The following SPIDR variants were observed in gnomAD, a reference collection of about 807,000 sequenced individuals.
The protein encoded by SPIDR is scaffold protein involved in DNA repair, also known as DNA repair-scaffolding protein.
A neutral mutation model predicts 104.6 loss-of-function variants in SPIDR; 93 were observed. The ratio of observed to expected loss-of-function variants is 0.89; its 90% CI spans 0.75 to 1.06. The LOEUF (loss-of-function observed/expected upper bound fraction) is 1.06. Ranked by LOEUF, SPIDR falls within the 50% of genes least tolerant of loss-of-function variation. The pLI, the probability that SPIDR is intolerant of heterozygous loss-of-function variation, is 0.00. For missense variants in SPIDR, 1,154 were observed against 1,111.2 expected (o/e 1.04, Z -0.55); for synonymous variants, 431 against 416.9 (o/e 1.03, Z -0.41).
At chr8:47,321,199 C>T (rs963006951) in intron 5 of SPIDR, among the ~76,000 whole-genome samples, 59 of 152,248 alleles carry the variant, frequency 3.9e-4, no homozygotes, top group African/African-American at 1.2e-3. Flanking sequence ...AAAACCCCAT[C>T]GTCTCAGCCC....
At chr8:47,456,706 A>G (rs1475842531) in intron 8 of SPIDR, among the ~76,000 whole-genome samples, 1 of 152,100 alleles carries the variant, frequency 6.6e-6, no homozygotes, top group Non-Finnish European at 1.5e-5. Flanking sequence ...TGGTGCACCC[A>G]TCACCCAAGC....
intron 6 of SPIDR, among the ~76,000 whole-genome samples, chr8:47,402,186 C>T (rs1340440607): frequency 6.6e-6 from 1 of 152,146 alleles, no homozygotes; most frequent in Non-Finnish European, 1.5e-5. Context: ...ACGAGAATCT[C>T]TGGGACACAT....
chr8:47,398,885 G>A (rs2061535198), intron 6 of SPIDR, among the ~76,000 whole-genome samples: 1 of 152,136 alleles, frequency 6.6e-6, no homozygotes, highest in South Asian at 2.1e-4. Flanking sequence ...AGGCAAGTGA[G>A]GAGAGAGGGT....
At chr8:47,707,206 T>G (rs2081221723) in intron 14 of SPIDR, among the ~76,000 whole-genome samples, 1 of 148,330 alleles carries the variant, frequency 6.7e-6, no homozygotes, top group African/African-American at 2.5e-5. Flanking sequence ...TGAGCCAAGA[T>G]CGCTCCATTG....
At chr8:47,665,652 C>A (rs1009338546) in intron 10 of SPIDR, among the ~76,000 whole-genome samples, 1 of 152,200 alleles carries the variant, frequency 6.6e-6, no homozygotes, top group African/African-American at 2.4e-5. Flanking sequence ...ATAGGCGATA[C>A]ATTCTTCTGC....
chr8:47,602,994 T>A (rs1035481991), intron 10 of SPIDR, among the ~76,000 whole-genome samples: 2 of 152,114 alleles, frequency 1.3e-5, no homozygotes, highest in Non-Finnish European at 2.9e-5. Flanking sequence ...AAACTTAAGT[T>A]TTATAAATCA....
chr8:47,294,195 C>T, intron 5 of SPIDR, 165 bp downstream of exon 5: 1 of 834,494 alleles, frequency 1.2e-6, no homozygotes, highest in African/African-American at 1.7e-5. Flanking sequence ...AAATAACATG[C>T]TTGTGCTGTA....
At chr8:47,418,895 G>T (rs1422516468) in intron 7 of SPIDR, among the ~76,000 whole-genome samples, 1 of 152,114 alleles carries the variant, frequency 6.6e-6, no homozygotes, top group Non-Finnish European at 1.5e-5. Flanking sequence ...TTTGTCATTG[G>T]TTTTGTTTAT....
At chr8:47,331,213 A>G (rs1367763102) in intron 5 of SPIDR, among the ~76,000 whole-genome samples, 4 of 152,292 alleles carry the variant, frequency 2.6e-5, no homozygotes, top group African/African-American at 4.8e-5. Context: ...TAAAGCTTAG[A>G]TTATTGATTT....
intron 14 of SPIDR, among the ~76,000 whole-genome samples, chr8:47,702,877 G>A (rs1464352661): frequency 3.3e-5 from 5 of 152,180 alleles, no homozygotes; most frequent in African/African-American, 9.7e-5. Context: ...TGGATCACCA[G>A]CTACCAGCCA....
intron 19 of SPIDR, among the ~76,000 whole-genome samples, chr8:47,734,618 G>A (rs2085864868): frequency 6.6e-6 from 1 of 151,028 alleles, no homozygotes; most frequent in South Asian, 2.2e-4. Flanking sequence ...GAAAGCCAGA[G>A]ATGGAATATC....
chr8:47,735,713 C>T lies in SPIDR; in HGVS notation c.*263C>T, dbSNP rs187415088. ...TTTCACATTGAATCTTAAGTTTAAG[C>T]TCTTCATTTGGTATTTAGGCAATAT... On this transcript the variant is annotated 3_prime_UTR_variant, in exon 20 of 20. Coordinates refer to ENST00000297423, the MANE Select transcript of SPIDR (RefSeq NM_001080394.4). The T allele has an allele frequency of 1.0e-5, 8 of 801,134 alleles. No individual in the cohort carries two copies. In the African/African-American group the frequency reaches 1.2e-4, roughly 12 times the overall value. 49.6% of individuals were successfully genotyped at this position (801,134 alleles called of 1,614,324 possible).
intron 11 of SPIDR, among the ~76,000 whole-genome samples, chr8:47,681,433 T>A (rs1163020321): frequency 6.6e-6 from 1 of 152,194 alleles, no homozygotes; most frequent in East Asian, 1.9e-4. Context: ...AAACATTTTC[T>A]TTGGATTGGT....
At position 47,604,148 on chromosome 8, in the gene SPIDR, G is replaced by A. The variant is rs528579073; in HGVS notation, c.1544+4952G>A. Among the ~76,000 whole-genome samples, 19 of 152,342 alleles carry A rather than the reference G, an allele frequency of 1.2e-4. No individual in the cohort carries two copies. In the South Asian group the frequency reaches 3.9e-3, roughly 32 times the overall value. On this transcript the variant is annotated intron_variant, in intron 10 of 19. Transcript: ENST00000297423. ...AAGTACCCTGGTGAGAAAAAATAGGGCACAATGGAGAATGGACATAATTTA... is the reference window on the plus strand; with the variant it reads ...AAGTACCCTGGTGAGAAAAAATAGGACACAATGGAGAATGGACATAATTTA...
chr8:47,403,361 C>G (rs561591737), intron 6 of SPIDR, among the ~76,000 whole-genome samples: 5 of 152,144 alleles, frequency 3.3e-5, no homozygotes, highest in African/African-American at 1.2e-4. Context: ...CCAGGGCAAT[C>G]AGGCAAGAGA....
At chr8:47,286,839 C>T (rs2038937191) in intron 3 of SPIDR, among the ~76,000 whole-genome samples, 1 of 152,142 alleles carries the variant, frequency 6.6e-6, no homozygotes, top group Admixed American at 6.5e-5. Context: ...TTTTTCTGAT[C>T]AGATCATCCA....
intron 6 of SPIDR, among the ~76,000 whole-genome samples, chr8:47,397,367 G>A (rs1388425065): frequency 6.6e-6 from 1 of 151,976 alleles, no homozygotes; most frequent in African/African-American, 2.4e-5. Context: ...GTGGAGGTGC[G>A]CACCTGTAAT....
At chr8:47,407,830 TA>T in intron 6 of SPIDR, 30 bp from the exon 7 acceptor site, 1 of 1,395,348 alleles carries the variant, frequency 7.2e-7, no homozygotes, top group Non-Finnish European at 1.0e-6. Flanking sequence ...TCCTTTTAAC[TA>T]AACTTAATAC....
intron 12 of SPIDR, 83 bp from the exon 13 acceptor site, chr8:47,701,638 T>TA (rs1369406355): frequency 3.7e-6 from 5 of 1,360,884 alleles, no homozygotes; most frequent in Non-Finnish European, 5.1e-6. Flanking sequence ...ATGTATATAT[T>TA]AAAGAGGAGA....
Sources: gnomAD v4.1 joint callset for allele counts (sites outside exome capture counted in the v4.1 genomes callset) on GRCh38, gnomAD v4.1.1 for gene constraint, MANE v1.5 for transcripts, NCBI Gene and HGNC (gene_info 2026-07-23, HGNC 2026-07-21) for gene names.